GSG1: variants seen among roughly 807,000 people sequenced by gnomAD.
The protein encoded by GSG1 is germ cell associated 1.
A neutral mutation model predicts 30.8 loss-of-function variants in GSG1; 28 were observed. That is an observed-to-expected ratio of 0.91 (90% confidence interval 0.67 to 1.25). The LOEUF (loss-of-function observed/expected upper bound fraction) is 1.25, where lower values mean the gene tolerates loss of function less well. GSG1 is among the 50% of genes most tolerant of loss of function. GSG1 has a pLI of 0.00. For synonymous variants in GSG1, 162 were observed against 178.0 expected (o/e 0.91, Z 0.71); for missense variants, 435 against 444.7 (o/e 0.98, Z 0.20).
At position 13,083,703 on chromosome 12, in the gene GSG1, AG is replaced by A. The variant is rs1343215952; in HGVS notation, c.*1197del. 9.9e-6 allele frequency: 1 copy of A among 101,170 alleles called. No homozygotes were observed. The highest frequency in any genetic ancestry group is 1.8e-5 in the Non-Finnish European group (1 of 55,040). 6.3% of individuals were successfully genotyped at this position (101,170 alleles called of 1,614,324 possible). The stretch of plus-strand genomic sequence containing the variant: ...CTCCCCCCTCCCCCCACCCCATGAC[AG>A]GCCCGGTGTGTGATGTTCCCCACCC... On this transcript the variant is annotated 3_prime_UTR_variant, in exon 7 of 7. Transcript: ENST00000651961.
intron 1 of GSG1, among the ~76,000 whole-genome samples, chr12:13,097,652 T>C (rs1342140905): frequency 6.6e-6 from 1 of 152,180 alleles, no homozygotes; most frequent in African/African-American, 2.4e-5. Context: ...GTTTGGAAAA[T>C]ATGCCGATTC....
At chr12:13,088,462 A>AATG (rs1289166055) in intron 4 of GSG1, among the ~76,000 whole-genome samples, 1 of 152,150 alleles carries the variant, frequency 6.6e-6, no homozygotes, top group Non-Finnish European at 1.5e-5. Context: ...TAATAATAAT[A>AATG]ATAGTGGAGA....
intron 5 of GSG1, 113 bp from the exon 6 acceptor site, chr12:13,087,376 G>A: frequency 1.4e-6 from 1 of 722,708 alleles, no homozygotes; most frequent in South Asian, 1.6e-5. Flanking sequence ...TGTTGGAGTA[G>A]CCCATTACCC....
intron 2 of GSG1, among the ~76,000 whole-genome samples, chr12:13,089,884 C>G (rs11055232): frequency 0.21 from 32,509 of 152,042 alleles, 4,012 homozygotes; most frequent in Middle Eastern, 0.31. Context: ...AACCCTGTCT[C>G]TCTAAAAATA....
At position 13,093,838 on chromosome 12, in the gene GSG1, G is replaced by C. The variant is rs1192898308; in HGVS notation, c.49-3020C>G. ...ACTCTCCATGTCATTTTCAGCCTAA[G>C]AGAAGAGGAGGCAAGCTAAAATATG... On this transcript the variant is annotated intron_variant, in intron 1 of 6. Transcript: ENST00000651961. The surrounding 1 kb of genome is among the most constrained non-coding windows in gnomAD (Gnocchi z 4.6). Among the ~76,000 whole-genome samples the C allele has an allele frequency of 1.3e-5, 2 of 152,228 alleles. No individual in the cohort carries two copies. The highest frequency in any genetic ancestry group is 2.9e-5 in the Non-Finnish European group (2 of 68,032).
intron 6 of GSG1, among the ~76,000 whole-genome samples, chr12:13,085,484 A>C (rs1405027352): frequency 6.6e-6 from 1 of 151,786 alleles, no homozygotes. Flanking sequence ...TGAATTGATG[A>C]GTTGTCGGTG....
chr12:13,087,246 C>G lies in GSG1; in HGVS notation c.652G>C (p.Ala218Pro), dbSNP rs1285532773. The change falls in exon 6 of 7, where the codon GCC (alanine) becomes CCC (proline). Residue 218 changes from alanine (A) to proline (P), a missense_variant. Coordinates refer to ENST00000651961, the MANE Select transcript of GSG1 (RefSeq NM_001080555.4). The stretch of plus-strand genomic sequence containing the variant: ...AAGACTTGTGAATACATCATGTGGG[C>G]CACCATCCCCAGGAGACCTACCAAG... ...SVLSGLLGMVAHMMYSQVFQA... is the reference protein window; with the variant it reads ...SVLSGLLGMVPHMMYSQVFQA... 6.2e-7 allele frequency: 1 copy of G among 1,613,372 alleles called. No homozygotes were observed. Among genetic ancestry groups the G allele is most frequent in the Admixed American group, 1.7e-5 (1 of 59,996 alleles).
chr12:13,089,473 G>T, intron 2 of GSG1, 197 bp from the exon 3 acceptor site: 1 of 760,638 alleles, frequency 1.3e-6, no homozygotes, highest in Non-Finnish European at 2.0e-6. Context: ...GGAAGAGGAG[G>T]TGTCTTCAGC....
At chr12:13,087,533 C>T (rs890939221) in intron 5 of GSG1, among the ~76,000 whole-genome samples, 1 of 152,172 alleles carries the variant, frequency 6.6e-6, no homozygotes, top group African/African-American at 2.4e-5. Flanking sequence ...GCACACCACC[C>T]CTACTCCTTC....
intron 1 of GSG1, among the ~76,000 whole-genome samples, chr12:13,097,257 C>A (rs1343237197): frequency 6.6e-6 from 1 of 152,148 alleles, no homozygotes; most frequent in Admixed American, 6.5e-5. Context: ...AATTGCCTGC[C>A]TTTCAACGAA....
chr12:13,088,938 A>G (rs777349642), intron 3 of GSG1, 29 bp from the exon 4 acceptor site: 2 of 1,612,978 alleles, frequency 1.2e-6, no homozygotes, highest in South Asian at 2.2e-5. Context: ...AACGTCATGG[A>G]GCTACTCCCT....
chr12:13,094,049 T>C (rs543770611), intron 1 of GSG1, among the ~76,000 whole-genome samples: 5 of 152,356 alleles, frequency 3.3e-5, no homozygotes, highest in African/African-American at 1.2e-4. Context: ...GTAAACCTTC[T>C]TGAGCTTTCC....
chr12:13,098,837 G>T (rs1377585396), intron 1 of GSG1, among the ~76,000 whole-genome samples: 2 of 152,118 alleles, frequency 1.3e-5, no homozygotes, highest in African/African-American at 4.8e-5. Flanking sequence ...AAATGGGGAT[G>T]GGAGTGGCAG....
chr12:13,099,759 T>TTTTTTTTTTTTTTTTTG (rs1863045802), intron 1 of GSG1, among the ~76,000 whole-genome samples: 23 of 144,762 alleles, frequency 1.6e-4, no homozygotes, highest in Middle Eastern at 3.5e-3. Context: ...TGTTTTTTTT[T>TTTTTTTTTTTTTTTTTG]TTTTTTTTTG....
Position 13,101,342 on chromosome 12 carries a change from C to G in GSG1, c.48+2123G>C, listed in dbSNP as rs1425447266. Among the ~76,000 whole-genome samples the G allele has an allele frequency of 6.6e-6, 1 of 152,190 alleles. No homozygotes were observed. The highest frequency in any genetic ancestry group is 1.5e-5 in the Non-Finnish European group (1 of 68,030). On this transcript the variant is annotated intron_variant, in intron 1 of 6. Coordinates refer to ENST00000651961, the MANE Select transcript of GSG1 (RefSeq NM_001080555.4). This position sits in a 1 kb window ranked among gnomAD's most constrained non-coding sequence, Gnocchi z 5.8. ...GGGGCGCGTTGCCGCGGCGACAGGC[C>G]GGCCGTGTTTGGCATTGTTTGCGAG...
At chr12:13,091,880 T>C (rs2120786328) in intron 1 of GSG1, among the ~76,000 whole-genome samples, 1 of 152,364 alleles carries the variant, frequency 6.6e-6, no homozygotes, top group East Asian at 1.9e-4. Context: ...GAATGTTTTT[T>C]CTCCTATTAA....
In GSG1 at chr12:13,089,230, G is replaced by A. The variant is rs1292869081; in HGVS notation, c.411C>T (p.Ser137=). Residue 137 remains serine (S), a synonymous_variant, in exon 3 of 7, where the codon TCC becomes TCT. Transcript: ENST00000651961. The stretch of plus-strand genomic sequence containing the variant: ...TACCTTTTGCTGCCGCTGTACCACT[G>A]GACCGAAGGGCTCTAAATTGTTTCC... ...QSWKQFRALR[S]SGTAAAKGER... 1 of 1,558,748 alleles carries A rather than the reference G, an allele frequency of 6.4e-7. No homozygotes were observed. Among genetic ancestry groups the A allele is most frequent in the Non-Finnish European group, 8.7e-7 (1 of 1,150,772 alleles).
At position 13,084,810 on chromosome 12, in the gene GSG1, C is replaced by T; in HGVS notation, c.*91G>A. ...TTATTCGTAGCCTCTAAAAACCATG[C>T]TCAAGAGACGGATGTTGGCTTAAGC... is the stretch of plus-strand genomic sequence containing the variant. On this transcript the variant is annotated 3_prime_UTR_variant, in exon 7 of 7. Coordinates refer to ENST00000651961, the MANE Select transcript of GSG1 (RefSeq NM_001080555.4). The T allele has an allele frequency of 2.4e-6, 2 of 848,566 alleles. No homozygotes were observed. Among genetic ancestry groups the T allele is most frequent in the Non-Finnish European group, 3.7e-6 (2 of 547,446 alleles). 52.6% of individuals were successfully genotyped at this position (848,566 alleles called of 1,614,324 possible). A position where few individuals can be genotyped will look rare whatever the true frequency, so the allele number is the denominator to read the frequency against.
chr12:13,096,490 AAAAG>A (rs1480213740), intron 1 of GSG1, among the ~76,000 whole-genome samples: 8 of 151,724 alleles, frequency 5.3e-5, no homozygotes, highest in African/African-American at 1.7e-4. Flanking sequence ...AAAAAAAAAA[AAAAG>A]AATAAGTACT....
Sources: gnomAD v4.1 joint callset for allele counts (sites outside exome capture counted in the v4.1 genomes callset) on GRCh38, gnomAD v4.1.1 for gene constraint, Gnocchi (gnomAD v3.1) non-coding constraint, MANE v1.5 for transcripts, NCBI Gene and HGNC (gene_info 2026-07-23, HGNC 2026-07-21) for gene names.